The following NALCN variants were observed in gnomAD, a reference collection of about 807,000 sequenced individuals.
The protein encoded by NALCN is sodium leak channel NALCN.
Under a neutral mutation model 225.3 loss-of-function variants are expected in NALCN, and 111 were observed. That is an observed-to-expected ratio of 0.49 (90% CI 0.42 to 0.58). NALCN has a LOEUF of 0.58. Among genes scored for constraint, NALCN ranks in the 20% least tolerant of loss-of-function variants. The pLI is 0.00. For missense variants in NALCN, 1,378 were observed against 2,202.4 expected (o/e 0.63, Z 7.49); for synonymous variants, 764 against 769.0 (o/e 0.99, Z 0.11).
chr13:101,213,897 G>A (rs1021269884), intron 13 of NALCN, among the ~76,000 whole-genome samples: 1 of 152,164 alleles, frequency 6.6e-6, no homozygotes. Flanking sequence ...ATTCCTCAAG[G>A]ATCTAGAACT....
Position 101,297,240 on chromosome 13 carries a change from C to T in NALCN, c.800-4874G>A, listed in dbSNP as rs369190376. ...GGGGTCCTACCACTAAACCTCTCTC[C>T]AAACACAAAATACCTATAGTACTAT... On this transcript the variant is annotated intron_variant, in intron 7 of 43. Coordinates refer to ENST00000251127, the MANE Select transcript of NALCN (RefSeq NM_052867.4). 9.2e-5 allele frequency among the ~76,000 whole-genome samples: 14 copies of T among 152,252 alleles called. No homozygotes were observed. In the South Asian group the frequency reaches 2.9e-3, roughly 32 times the overall value.
chr13:101,252,635 T>C (rs1020835165), intron 11 of NALCN, among the ~76,000 whole-genome samples: 6 of 152,162 alleles, frequency 3.9e-5, no homozygotes, highest in African/African-American at 1.2e-4. Flanking sequence ...CTGTGGGGTA[T>C]GTAGCACAGA....
chr13:101,244,481 T>C (rs974554899), intron 11 of NALCN, among the ~76,000 whole-genome samples: 1 of 152,230 alleles, frequency 6.6e-6, no homozygotes, highest in Non-Finnish European at 1.5e-5. Context: ...TAAATATCTA[T>C]AGTCTCACTG....
intron 7 of NALCN, among the ~76,000 whole-genome samples, chr13:101,321,497 T>C (rs911432239): frequency 6.6e-6 from 1 of 152,160 alleles, no homozygotes. Context: ...GGTGGGAGTA[T>C]GCAGGAACAA....
At chr13:101,057,108 A>ATCT (rs142326018) in intron 43 of NALCN, 1 of 152,286 alleles carries the variant, frequency 6.6e-6, no homozygotes, top group Non-Finnish European at 1.5e-5. Context: ...TATGCTACAC[A>ATCT]TCTTCTCCTT....
chr13:101,084,059 A>G (rs534060368), intron 30 of NALCN, among the ~76,000 whole-genome samples: 1 of 152,288 alleles, frequency 6.6e-6, no homozygotes, highest in South Asian at 2.1e-4. Flanking sequence ...TGTAATATTC[A>G]GGTTTGGGAA....
At chr13:101,213,559 G>T (rs1029184257) in intron 13 of NALCN, among the ~76,000 whole-genome samples, 1 of 152,118 alleles carries the variant, frequency 6.6e-6, no homozygotes, top group Non-Finnish European at 1.5e-5. Flanking sequence ...CTGACAAAGG[G>T]CTAATATCCA....
chr13:101,351,684 C>T (rs2045912400), intron 6 of NALCN, among the ~76,000 whole-genome samples: 1 of 152,136 alleles, frequency 6.6e-6, no homozygotes, highest in South Asian at 2.1e-4. Context: ...AAATGAGAAA[C>T]TTTCCAGCTG....
intron 6 of NALCN, among the ~76,000 whole-genome samples, chr13:101,366,518 T>G (rs535210917): frequency 5.9e-4 from 90 of 152,270 alleles, no homozygotes; most frequent in African/African-American, 2.0e-3. Context: ...ATCGTTTCTC[T>G]TAAATGATTA....
At chr13:101,381,208 T>C (rs2046839340) in intron 3 of NALCN, among the ~76,000 whole-genome samples, 1 of 152,112 alleles carries the variant, frequency 6.6e-6, no homozygotes, top group Non-Finnish European at 1.5e-5. Flanking sequence ...TTAAATTGTG[T>C]GATTATCATC....
chr13:101,202,860 G>T (rs1489911765), intron 13 of NALCN, among the ~76,000 whole-genome samples: 1 of 152,196 alleles, frequency 6.6e-6, no homozygotes, highest in Non-Finnish European at 1.5e-5. Context: ...CTGCGTTTAA[G>T]ATAGAGATTG....
In NALCN at chr13:101,408,408, T is replaced by A. The variant is rs562802012; in HGVS notation, c.-40+7905A>T. On this transcript the variant is annotated intron_variant, in intron 1 of 43. Transcript: ENST00000251127. The stretch of plus-strand genomic sequence containing the variant: ...TCAGAGGAAAGGCAGCAGCTCTATG[T>A]TTTCTCTCTTAAACTTAGCCTGGAG... Among the ~76,000 whole-genome samples the A allele has an allele frequency of 4.0e-4, 61 of 152,232 alleles. 2 individuals carry two copies. The highest frequency in any genetic ancestry group is 3.9e-3 in the South Asian group (19 of 4,814).
chr13:101,261,910 C>T (rs970146865), intron 10 of NALCN, among the ~76,000 whole-genome samples: 2 of 152,242 alleles, frequency 1.3e-5, no homozygotes, highest in Non-Finnish European at 1.5e-5. Context: ...AGTGGGCATC[C>T]TTGTCATGTT....
At chr13:101,406,553 T>A (rs2047631674) in intron 1 of NALCN, among the ~76,000 whole-genome samples, 1 of 152,194 alleles carries the variant, frequency 6.6e-6, no homozygotes, top group African/African-American at 2.4e-5. Context: ...GCATCAATTA[T>A]TTTTTGTGCA....
chr13:101,355,976 A>G (rs897242526), intron 6 of NALCN, among the ~76,000 whole-genome samples: 2 of 152,220 alleles, frequency 1.3e-5, no homozygotes, highest in East Asian at 3.9e-4. Flanking sequence ...GTTAAGGCAC[A>G]AATCAAGAAG....
chr13:101,145,191 TCAGA>T (rs1160754268), intron 15 of NALCN, among the ~76,000 whole-genome samples: 1 of 152,194 alleles, frequency 6.6e-6, no homozygotes, highest in East Asian at 1.9e-4. Flanking sequence ...TCTTTTCATC[TCAGA>T]CATTTTTAAT....
chr13:101,272,205 G>A (rs1414090086), intron 10 of NALCN, among the ~76,000 whole-genome samples: 1 of 152,106 alleles, frequency 6.6e-6, no homozygotes, highest in Non-Finnish European at 1.5e-5. Context: ...GTTTTTGACT[G>A]TGTGTCTCTG....
chr13:101,163,665 C>G (rs1232962121), intron 15 of NALCN, among the ~76,000 whole-genome samples: 4 of 152,138 alleles, frequency 2.6e-5, no homozygotes, highest in Non-Finnish European at 4.4e-5. Context: ...TTCCCTGCTG[C>G]CCCATGCTCT....
chr13:101,342,639 T>C (rs1221604334), intron 7 of NALCN, among the ~76,000 whole-genome samples: 1 of 152,186 alleles, frequency 6.6e-6, no homozygotes, highest in Non-Finnish European at 1.5e-5. Flanking sequence ...CAGGAAGTTT[T>C]CTGTTAGATG....
Sources: gnomAD v4.1 joint callset for allele counts (sites outside exome capture counted in the v4.1 genomes callset) on GRCh38, gnomAD v4.1.1 for gene constraint, MANE v1.5 for transcripts, NCBI Gene and HGNC (gene_info 2026-07-23, HGNC 2026-07-21) for gene names.